The following RBM10 variants were observed in gnomAD, a reference collection of about 807,000 sequenced individuals.
RBM10 encodes RNA binding motif protein 10.
Under a neutral mutation model 84.9 loss-of-function variants are expected in RBM10, and 1 was observed. That is an observed-to-expected ratio of 0.01 (90% CI 0.00 to 0.06). The LOEUF (loss-of-function observed/expected upper bound fraction) is 0.06. Ranked by LOEUF, RBM10 falls within the 10% of genes least tolerant of loss-of-function variation. RBM10 has a pLI of 1.00. For synonymous variants in RBM10, 326 were observed against 344.5 expected, an observed-to-expected ratio of 0.95 and a Z score of 0.60; for missense variants, 438 against 839.0, an observed-to-expected ratio of 0.52 and a Z score of 5.90.
intron 1 of RBM10, among the ~76,000 whole-genome samples, chrX:47,145,886 G>A (rs1932144946): frequency 9.8e-6 from 1 of 102,159 alleles, no homozygotes; most frequent in African/African-American, 3.6e-5. Context: ...AATATTCTGT[G>A]GTTCTGGTCT....
At chrX:47,161,515 T>A (rs1381815640) in intron 2 of RBM10, among the ~76,000 whole-genome samples, 73 of 20,419 alleles carry the variant, frequency 3.6e-3, no homozygotes, top group African/African-American at 0.014. Flanking sequence ...ACTCATTAGT[T>A]TTTTTTTTTT....
At chrX:47,155,528 C>T (rs1035235393) in intron 2 of RBM10, among the ~76,000 whole-genome samples, 7 of 108,344 alleles carry the variant, frequency 6.5e-5, no homozygotes, top group Non-Finnish European at 1.3e-4. Flanking sequence ...GTCAGGAGAT[C>T]AAGACCATCC....
chrX:47,180,195 C>T lies in RBM10; in HGVS notation c.1063-17C>T, dbSNP rs2147176370. ...CCGGGCCTGACCCTTCTGTCCCTGC[C>T]TCCCCTCCTCCCACAGGAGGCAGCC... On this transcript the variant is annotated splice_polypyrimidine_tract_variant and intron_variant, in intron 10 of 23. Coordinates refer to ENST00000377604, the MANE Select transcript of RBM10 (RefSeq NM_005676.5). 1 of 1,188,010 alleles carries T rather than the reference C, an allele frequency of 8.4e-7. No individual in the cohort carries two copies. Among genetic ancestry groups the T allele is most frequent in the Non-Finnish European group, 1.1e-6 (1 of 879,641 alleles).
At chrX:47,154,981 A>C (rs1932972140) in intron 2 of RBM10, among the ~76,000 whole-genome samples, 1 of 106,705 alleles carries the variant, frequency 9.4e-6, no homozygotes, top group Non-Finnish European at 1.9e-5. Context: ...CCCCATCTCT[A>C]CTAAAAATAC....
Position 47,147,375 on chromosome X carries a change from C to T in RBM10, c.-107C>T, listed in dbSNP as rs2147064417. 1 of 1,204,021 alleles carries T rather than the reference C, an allele frequency of 8.3e-7. No individual in the cohort carries two copies. ...TCCCCAGAGTCCCTGCAGGAAGCAT[C>T]ACCCAGGCTGGCAGATCATGGTAGC... On this transcript the variant is annotated 5_prime_UTR_variant, in exon 2 of 24. Coordinates refer to ENST00000377604, the MANE Select transcript of RBM10 (RefSeq NM_005676.5).
intron 2 of RBM10, among the ~76,000 whole-genome samples, chrX:47,152,816 C>A (rs1006528837): frequency 2.0e-5 from 2 of 99,912 alleles, no homozygotes; most frequent in Admixed American, 2.2e-4. Flanking sequence ...CACACACACA[C>A]GTTTTTTTTA....
chrX:47,167,185 T>C lies in RBM10; in HGVS notation c.18-2130T>C, dbSNP rs1934292339. ...TCCTTTCCCCATATTTTTTCCTAGT[T>C]TATTGTCTTTTGACTTGGTTAATGA... On this transcript the variant is annotated intron_variant, in intron 2 of 23. Coordinates refer to ENST00000377604, the MANE Select transcript of RBM10 (RefSeq NM_005676.5). 4.5e-5 allele frequency among the ~76,000 whole-genome samples: 5 copies of C among 111,292 alleles called. No individual in the cohort carries two copies. The South Asian group carries it at 1.8e-3, about 41-fold the overall frequency.
chrX:47,178,105 C>T (rs782731047), intron 7 of RBM10, among the ~76,000 whole-genome samples: 10 of 111,257 alleles, frequency 9.0e-5, no homozygotes, highest in Non-Finnish European at 1.3e-4. Context: ...TCCTCTTTCT[C>T]CCACGCCCTC....
intron 3 of RBM10, 152 bp from the exon 4 acceptor site, chrX:47,170,876 G>T (rs1051452729): frequency 1.8e-6 from 1 of 562,095 alleles, no homozygotes; most frequent in Non-Finnish European, 3.0e-6. Flanking sequence ...TGCAGGCCGG[G>T]GCCTGCCCAC....
intron 2 of RBM10, among the ~76,000 whole-genome samples, chrX:47,160,969 T>G (rs1933635159): frequency 8.9e-6 from 1 of 111,826 alleles, no homozygotes. Flanking sequence ...ATTTTTTTTT[T>G]GAAACAAGGT....
intron 7 of RBM10, among the ~76,000 whole-genome samples, chrX:47,178,467 C>G (rs1935303766): frequency 9.0e-6 from 1 of 111,729 alleles, no homozygotes; most frequent in African/African-American, 3.3e-5. Flanking sequence ...CCGACCTGCC[C>G]CTCTTCATGC....
chrX:47,162,147 T>A (rs2147108542), intron 2 of RBM10, among the ~76,000 whole-genome samples: 1 of 112,715 alleles, frequency 8.9e-6, no homozygotes, highest in South Asian at 3.6e-4. Flanking sequence ...AGCCTGTCCT[T>A]TGTTTTTTAA....
At chrX:47,160,378 A>G (rs1187840791) in intron 2 of RBM10, among the ~76,000 whole-genome samples, 1 of 112,194 alleles carries the variant, frequency 8.9e-6, no homozygotes, top group Non-Finnish European at 1.9e-5. Context: ...AATATCCAGA[A>G]TCTACAAGGA....
At position 47,162,630 on chromosome X, in the gene RBM10, C is replaced by T. The variant is rs781865342; in HGVS notation, c.18-6685C>T. Among the ~76,000 whole-genome samples, 23 of 110,682 alleles carry T rather than the reference C, an allele frequency of 2.1e-4. No individual in the cohort carries two copies. The Admixed American group carries it at 2.2e-3, about 11-fold the overall frequency. ...GTGGCTCACGCCTGTAATCCCAGCA[C>T]TTTGGGAGGGCGAGGGGGGCGGATC... On this transcript the variant is annotated intron_variant, in intron 2 of 23. Transcript: ENST00000377604.
At position 47,185,868 on chromosome X, in the gene RBM10, A is replaced by G. The variant is rs180913232; in HGVS notation, c.2430+78A>G. 526 of 1,184,863 alleles carry G rather than the reference A, an allele frequency of 4.4e-4. 2 individuals carry two copies. Among genetic ancestry groups the G allele is most frequent in the Admixed American group, 2.1e-3 (88 of 41,286 alleles). On this transcript the variant is annotated intron_variant, in intron 21 of 23. Transcript: ENST00000377604. Reference sequence around the variant, plus strand: ...CATCACCTCAGGCAGCTGGAGTTCAATTTCTCACGTGTTAACCCCGTGAGC... The same window carrying G: ...CATCACCTCAGGCAGCTGGAGTTCAGTTTCTCACGTGTTAACCCCGTGAGC...
In RBM10 at chrX:47,180,252, C is replaced by T. The variant is rs2147177171; in HGVS notation, c.1103C>T (p.Pro368Leu). ...CTGCAGATCCTGCAGGCCCTGCACC[C>T]ACCACTCACTATCGACGGCAAGACC... ...QLLQILQALH[P>L]PLTIDGKTIN... Residue 368 changes from proline to leucine, a missense_variant, in exon 11 of 24, where the codon CCA (proline) becomes CTA (leucine). By Grantham distance (98) the Pro-to-Leu change is moderately conservative (BLOSUM62 -3). Transcript: ENST00000377604. The T allele has an allele frequency of 8.3e-7, 1 of 1,205,201 alleles. No individual in the cohort carries two copies. The highest frequency in any genetic ancestry group is 1.1e-6 in the Non-Finnish European group (1 of 891,904).
chrX:47,145,730 G>A lies in RBM10; in HGVS notation c.-126+245G>A, dbSNP rs1272266279. Reference sequence around the variant, plus strand: ...TGCATGCGGGTTGGGGGAAGGGAGGGACGGATGGGAGTGGGCTACTGTGGA... The same window carrying A: ...TGCATGCGGGTTGGGGGAAGGGAGGAACGGATGGGAGTGGGCTACTGTGGA... On this transcript the variant is annotated intron_variant, in intron 1 of 23. Coordinates refer to ENST00000377604, the MANE Select transcript of RBM10 (RefSeq NM_005676.5). Among the ~76,000 whole-genome samples, 3 of 101,884 alleles carry A rather than the reference G, an allele frequency of 2.9e-5. No homozygotes were observed. The Admixed American group carries it at 3.2e-4, about 11-fold the overall frequency. 88.5% of individuals were successfully genotyped at this position (101,884 alleles called of 115,157 possible).
At chrX:47,157,711 T>A in intron 2 of RBM10, 1 of 531,844 alleles carries the variant, frequency 1.9e-6, no homozygotes, top group Non-Finnish European at 3.4e-6. Flanking sequence ...ATGACATCAG[T>A]CAACTTGTGA....
chrX:47,157,734 A>AG, intron 2 of RBM10: 2 of 499,877 alleles, frequency 4.0e-6, no homozygotes, highest in Non-Finnish European at 7.3e-6. Context: ...GATGACGTCC[A>AG]GGGGTCCCTG....
Sources: gnomAD v4.1 joint callset for allele counts (sites outside exome capture counted in the v4.1 genomes callset) on GRCh38, gnomAD v4.1.1 for gene constraint, MANE v1.5 for transcripts, NCBI Gene and HGNC (gene_info 2026-07-23, HGNC 2026-07-21) for gene names.